The following KIF16B variants were observed in gnomAD, a reference collection of about 807,000 sequenced individuals.
KIF16B encodes the protein kinesin-like protein KIF16B.
KIF16B carries 98 observed loss-of-function variants against 156.3 expected under a neutral mutation model. That is an observed-to-expected ratio of 0.63 (90% confidence interval 0.53 to 0.74). The LOEUF is 0.74. KIF16B is among the 30% of genes least tolerant of loss of function. The pLI, the probability that KIF16B is intolerant of heterozygous loss-of-function variation, is 0.00. For missense variants in KIF16B, 1,421 were observed against 1,606.5 expected (o/e 0.88, Z 1.97); for synonymous variants, 564 against 583.7 (o/e 0.97, Z 0.49).
chr20:16,570,160 T>C (rs1327724933), intron 1 of KIF16B, among the ~76,000 whole-genome samples: 1 of 152,224 alleles, frequency 6.6e-6, no homozygotes, highest in Non-Finnish European at 1.5e-5. Context: ...TTCCCAATTT[T>C]GTATATTAAG....
At chr20:16,511,176 A>G (rs1451687530) in intron 6 of KIF16B, among the ~76,000 whole-genome samples, 1 of 152,258 alleles carries the variant, frequency 6.6e-6, no homozygotes, top group African/African-American at 2.4e-5. Flanking sequence ...AGAAAATTCC[A>G]GAGATTTCTT....
intron 24 of KIF16B, among the ~76,000 whole-genome samples, chr20:16,319,822 A>G (rs1178215554): frequency 6.6e-6 from 1 of 152,204 alleles, no homozygotes; most frequent in Non-Finnish European, 1.5e-5. Context: ...TAGGGGATTG[A>G]GCAGGGGAAG....
chr20:16,469,254 TAAAA>T (rs57114751), intron 12 of KIF16B, among the ~76,000 whole-genome samples: 5,504 of 65,896 alleles, frequency 0.084, 227 homozygotes, highest in African/African-American at 0.14. Flanking sequence ...CCCTGTGTCT[TAAAA>T]AAAAAAAAAA....
At chr20:16,400,725 T>A (rs1487637675) in intron 17 of KIF16B, among the ~76,000 whole-genome samples, 1 of 152,204 alleles carries the variant, frequency 6.6e-6, no homozygotes, top group Non-Finnish European at 1.5e-5. Flanking sequence ...TGGATGAACA[T>A]GAACCAAAGA....
intron 1 of KIF16B, among the ~76,000 whole-genome samples, chr20:16,562,418 ACCCCTCACG>A (rs2071095357): frequency 2.0e-5 from 3 of 149,356 alleles, no homozygotes; most frequent in African/African-American, 7.7e-5. Context: ...GCCCTCCGTC[ACCCCTCACG>A]TCTTCCTAAT....
chr20:16,445,430 G>GTGTGTGTGTGTGTGTA (rs1359445507), intron 12 of KIF16B, among the ~76,000 whole-genome samples: 2 of 151,222 alleles, frequency 1.3e-5, no homozygotes, highest in African/African-American at 4.9e-5. Context: ...GTGTGTGTGT[G>GTGTGTGTGTGTGTGTA]TGTGTGTGTG....
At chr20:16,314,867 T>C (rs77251111) in intron 24 of KIF16B, among the ~76,000 whole-genome samples, 7,306 of 152,134 alleles carry the variant, frequency 0.048, 217 homozygotes, top group Non-Finnish European at 0.075. Context: ...TCCCCCCATG[T>C]TGCAGCTCAG....
At chr20:16,333,372 T>A (rs1213890958) in intron 24 of KIF16B, among the ~76,000 whole-genome samples, 1 of 152,178 alleles carries the variant, frequency 6.6e-6, no homozygotes, top group African/African-American at 2.4e-5. Context: ...TTTTATTCAC[T>A]TTACACAAGC....
intron 11 of KIF16B, among the ~76,000 whole-genome samples, chr20:16,496,118 G>A (rs895523441): frequency 6.6e-6 from 1 of 152,150 alleles, no homozygotes; most frequent in Non-Finnish European, 1.5e-5. Flanking sequence ...AAAGTCATGT[G>A]ACTCTCCTGG....
chr20:16,333,442 T>C (rs1310568722), intron 24 of KIF16B, among the ~76,000 whole-genome samples: 2 of 152,374 alleles, frequency 1.3e-5, no homozygotes, highest in East Asian at 1.9e-4. Flanking sequence ...GAAGAGGGAA[T>C]GCAGCTGTCT....
At chr20:16,283,257 T>C (rs901255416) in intron 25 of KIF16B, among the ~76,000 whole-genome samples, 4 of 152,108 alleles carry the variant, frequency 2.6e-5, no homozygotes, top group African/African-American at 9.7e-5. Context: ...CTACCCAGGG[T>C]GGAAGGCGCA....
At chr20:16,367,141 C>T in intron 22 of KIF16B, 1 of 1,561,160 alleles carries the variant, frequency 6.4e-7, no homozygotes, top group African/African-American at 1.4e-5. Flanking sequence ...TTAAAAGTCT[C>T]CTCCTTAGAG....
intron 12 of KIF16B, among the ~76,000 whole-genome samples, chr20:16,477,065 G>C (rs1461346191): frequency 3.3e-5 from 5 of 152,054 alleles, no homozygotes; most frequent in African/African-American, 1.2e-4. Context: ...GTTTTTAAAG[G>C]TAAATAAGGC....
At chr20:16,302,705 T>C (rs2063490832) in intron 25 of KIF16B, among the ~76,000 whole-genome samples, 1 of 152,220 alleles carries the variant, frequency 6.6e-6, no homozygotes, top group South Asian at 2.1e-4. Context: ...TTTACTCATA[T>C]AGAGCTTGTA....
intron 25 of KIF16B, among the ~76,000 whole-genome samples, chr20:16,282,741 C>T (rs1324045593): frequency 6.6e-6 from 1 of 152,052 alleles, no homozygotes; most frequent in Non-Finnish European, 1.5e-5. Context: ...CAGGACTGCT[C>T]CTGGACCTGG....
At chr20:16,285,217 C>T (rs1268012164) in intron 25 of KIF16B, among the ~76,000 whole-genome samples, 2 of 152,150 alleles carry the variant, frequency 1.3e-5, no homozygotes, top group Non-Finnish European at 1.5e-5. Context: ...TCTGGAGTAA[C>T]CATGCCTTCA....
chr20:16,400,174 A>G (rs2065613775), intron 17 of KIF16B, among the ~76,000 whole-genome samples: 2 of 152,366 alleles, frequency 1.3e-5, no homozygotes, highest in Admixed American at 6.5e-5. Context: ...TTAGATTTAC[A>G]TTCATCATTT....
chr20:16,462,604 T>C (rs2067377523), intron 12 of KIF16B, among the ~76,000 whole-genome samples: 1 of 152,110 alleles, frequency 6.6e-6, no homozygotes, highest in South Asian at 2.1e-4. Flanking sequence ...CAGAGTCCTT[T>C]GAGAGCAAAG....
chr20:16,338,790 C>T (rs1370636575), intron 23 of KIF16B, among the ~76,000 whole-genome samples: 2 of 152,144 alleles, frequency 1.3e-5, no homozygotes, highest in African/African-American at 2.4e-5. Context: ...ATTGATGACA[C>T]CCACCAATCA....
Sources: allele counts gnomAD v4.1 joint callset (sites outside exome capture counted in the v4.1 genomes callset), GRCh38; gene constraint gnomAD v4.1.1; transcripts MANE v1.5; gene names NCBI Gene and HGNC (gene_info 2026-07-23, HGNC 2026-07-21).